The following DNAH11 variants were observed in gnomAD, a reference collection of about 807,000 sequenced individuals.
The protein encoded by DNAH11 is axonemal beta dynein heavy chain 11.
A neutral mutation model predicts 526.0 loss-of-function variants in DNAH11; 442 were observed. That is an observed-to-expected ratio of 0.84 (90% CI 0.78 to 0.91). The LOEUF is 0.91. DNAH11 is among the 40% of genes least tolerant of loss of function. DNAH11 has a pLI of 0.00. For synonymous variants in DNAH11, 2,461 were observed against 1,935.9 expected (o/e 1.27, Z -7.12); for missense variants, 6,989 against 5,448.7 (o/e 1.28, Z -8.90).
At position 21,705,487 on chromosome 7, in the gene DNAH11, G is replaced by C. The variant is rs942304184; in HGVS notation, c.6496G>C (p.Val2166Leu). ...KVVQLEELLA[V>L]RHSVFVVGNA... ...TGTCCAGCTTGAGGAACTGTTGGCT[G>C]TGCGGCACTCGGTCTTTGTAGTTGG... Residue 2166 changes from valine (V) to leucine (L), a missense_variant, in exon 39 of 82, where the codon GTG (valine) becomes CTG (leucine). Val to Leu is a conservative substitution (Grantham distance 32). Coordinates refer to ENST00000409508, the MANE Select transcript of DNAH11 (RefSeq NM_001277115.2). 2.5e-6 allele frequency: 4 copies of C among 1,613,644 alleles called. No individual in the cohort carries two copies. The highest frequency in any genetic ancestry group is 1.7e-5 in the Admixed American group (1 of 59,980).
At chr7:21,794,263 G>T (rs933534848) in intron 61 of DNAH11, among the ~76,000 whole-genome samples, 1 of 152,026 alleles carries the variant, frequency 6.6e-6, no homozygotes, top group Admixed American at 6.6e-5. Context: ...TCCTTGCTTT[G>T]TTTATTTGGA....
At chr7:21,606,913 T>G (rs529230473) in intron 20 of DNAH11, among the ~76,000 whole-genome samples, 180 bp downstream of exon 20, 19 of 152,124 alleles carry the variant, frequency 1.2e-4, no homozygotes, top group Non-Finnish European at 2.8e-4. Flanking sequence ...AAATCATGCC[T>G]CCCAAAACCA....
At chr7:21,639,315 C>T (rs1435501073) in intron 28 of DNAH11, among the ~76,000 whole-genome samples, 4 of 152,046 alleles carry the variant, frequency 2.6e-5, no homozygotes, top group Admixed American at 2.0e-4. Flanking sequence ...TGAAAGAAGT[C>T]GATGGAAAGA....
intron 30 of DNAH11, among the ~76,000 whole-genome samples, chr7:21,673,124 T>C (rs372063330): frequency 7.2e-5 from 11 of 152,330 alleles, no homozygotes; most frequent in East Asian, 1.9e-4. Context: ...AGAGAATTCA[T>C]AAGTGGGGTA....
At chr7:21,667,897 G>A (rs752310673) in intron 30 of DNAH11, among the ~76,000 whole-genome samples, 1 of 151,990 alleles carries the variant, frequency 6.6e-6, no homozygotes, top group Non-Finnish European at 1.5e-5. Context: ...CATTAACGAT[G>A]GAAATAATTG....
chr7:21,655,596 C>A (rs1781977518), intron 28 of DNAH11, among the ~76,000 whole-genome samples: 1 of 152,118 alleles, frequency 6.6e-6, no homozygotes, highest in South Asian at 2.1e-4. Context: ...GGTCACTTTT[C>A]ATGGTAAGCA....
At chr7:21,660,175 CTG>C (rs1457231875) in intron 30 of DNAH11, among the ~76,000 whole-genome samples, 2 of 151,984 alleles carry the variant, frequency 1.3e-5, no homozygotes, top group Admixed American at 6.6e-5. Flanking sequence ...ACATAAATAA[CTG>C]AGATAATTAA....
intron 62 of DNAH11, among the ~76,000 whole-genome samples, chr7:21,801,703 T>C (rs1180664232): frequency 6.6e-6 from 1 of 152,226 alleles, no homozygotes; most frequent in African/African-American, 2.4e-5. Flanking sequence ...AAACTCAGGA[T>C]GGCTGCTAGA....
chr7:21,594,055 T>TACACAC (rs746527002), intron 14 of DNAH11, among the ~76,000 whole-genome samples: 6 of 77,748 alleles, frequency 7.7e-5, no homozygotes, highest in East Asian at 1.2e-3. Context: ...CACTCTTTCA[T>TACACAC]ACACACATAC....
chr7:21,644,706 C>A (rs1452626911), intron 28 of DNAH11, among the ~76,000 whole-genome samples: 1 of 152,146 alleles, frequency 6.6e-6, no homozygotes, highest in Non-Finnish European at 1.5e-5. Flanking sequence ...ATAGAAGCTG[C>A]TCATGAAAGT....
chr7:21,641,231 C>A (rs10274168), intron 28 of DNAH11, among the ~76,000 whole-genome samples: 5 of 152,260 alleles, frequency 3.3e-5, no homozygotes, highest in Admixed American at 3.3e-4. Flanking sequence ...TCCTATTCCT[C>A]TTCCTTGACC....
intron 40 of DNAH11, among the ~76,000 whole-genome samples, chr7:21,708,972 T>C (rs1784368053): frequency 6.6e-6 from 1 of 152,238 alleles, no homozygotes; most frequent in East Asian, 1.9e-4. Context: ...GGACCGCTTA[T>C]AGACTTGGTG....
chr7:21,625,277 A>G (rs560590789), intron 25 of DNAH11, among the ~76,000 whole-genome samples: 1 of 152,064 alleles, frequency 6.6e-6, no homozygotes, highest in African/African-American at 2.4e-5. Flanking sequence ...GTTTCTAGGA[A>G]CTTAACCATT....
At chr7:21,780,817 T>C (rs889114078) in intron 57 of DNAH11, among the ~76,000 whole-genome samples, 9 of 152,222 alleles carry the variant, frequency 5.9e-5, no homozygotes, top group Non-Finnish European at 1.2e-4. Flanking sequence ...ACATCTATTT[T>C]GTCACCAGGC....
chr7:21,885,187 AAC>A (rs71525701), intron 76 of DNAH11, among the ~76,000 whole-genome samples: 12 of 147,880 alleles, frequency 8.1e-5, no homozygotes, highest in African/African-American at 2.0e-4. Context: ...AAAAAAAAAA[AAC>A]ACACACATTT....
intron 51 of DNAH11, 120 bp downstream of exon 51, chr7:21,745,183 A>G: frequency 2.0e-6 from 2 of 1,021,106 alleles, no homozygotes; most frequent in Non-Finnish European, 2.7e-6. Flanking sequence ...CTGCTGTTTG[A>G]CATATAATTT....
At chr7:21,851,315 A>G in intron 66 of DNAH11, 1 of 264,038 alleles carries the variant, frequency 3.8e-6, no homozygotes, top group Non-Finnish European at 7.6e-6. Flanking sequence ...CCCTTCCACC[A>G]TGATTGTAAG....
intron 54 of DNAH11, among the ~76,000 whole-genome samples, chr7:21,760,471 C>G (rs1326396736): frequency 6.6e-6 from 1 of 152,168 alleles, no homozygotes; most frequent in Non-Finnish European, 1.5e-5. Context: ...AAAGACTAGA[C>G]TCTTAATAAG....
At chr7:21,750,658 T>C (rs938892443) in intron 54 of DNAH11, among the ~76,000 whole-genome samples, 3 of 152,178 alleles carry the variant, frequency 2.0e-5, no homozygotes, top group Admixed American at 6.5e-5. Flanking sequence ...ATAATTATCA[T>C]ACAGTATAAA....
Sources: gnomAD v4.1 joint callset for allele counts (sites outside exome capture counted in the v4.1 genomes callset) on GRCh38, gnomAD v4.1.1 for gene constraint, MANE v1.5 for transcripts, NCBI Gene and HGNC (gene_info 2026-07-23, HGNC 2026-07-21) for gene names.